The following PHC2 variants were observed in gnomAD, a reference collection of about 807,000 sequenced individuals.
The protein encoded by PHC2 is polyhomeotic-like protein 2.
Under a neutral mutation model 87.4 loss-of-function variants are expected in PHC2, and 29 were observed. The ratio of observed to expected loss-of-function variants is 0.33; its 90% CI spans 0.25 to 0.45. The LOEUF (loss-of-function observed/expected upper bound fraction) is 0.45, where lower values mean the gene tolerates loss of function less well. Ranked by LOEUF, PHC2 falls within the 20% of genes least tolerant of loss-of-function variation. The probability of loss-of-function intolerance (pLI) is 1.00; values close to 1 mark genes in which losing one functional copy is unlikely to be tolerated. For synonymous variants in PHC2, 438 were observed against 461.7 expected, an observed-to-expected ratio of 0.95 and a Z score of 0.66; for missense variants, 857 against 1,136.7, an observed-to-expected ratio of 0.75 and a Z score of 3.54.
intron 1 of PHC2, among the ~76,000 whole-genome samples, chr1:33,412,952 T>TG (rs1557847822): frequency 6.6e-6 from 1 of 151,982 alleles, no homozygotes; most frequent in Non-Finnish European, 1.5e-5. Context: ...ACTTGTTTTT[T>TG]TTTTGTTTGT....
chr1:33,356,764 A>C (rs1314349757), intron 7 of PHC2, among the ~76,000 whole-genome samples: 1 of 152,042 alleles, frequency 6.6e-6, no homozygotes, highest in African/African-American at 2.4e-5. Context: ...ATTCGACAAA[A>C]TCGCCATCGT....
At position 33,395,746 on chromosome 1, in the gene PHC2, C is replaced by T. The variant is rs544205427; in HGVS notation, c.-54-20153G>A. ...AAAATTTGGGGACAAATTACCCAGGCGATTCCAATGAGCAGACATTGGGGT... is the reference window on the plus strand; with the variant it reads ...AAAATTTGGGGACAAATTACCCAGGTGATTCCAATGAGCAGACATTGGGGT... On this transcript the variant is annotated intron_variant, in intron 1 of 14. Transcript: ENST00000683057. Among the ~76,000 whole-genome samples the T allele has an allele frequency of 6.4e-4, 97 of 152,208 alleles. 1 individual carries two copies. The South Asian group carries it at 0.02, about 31-fold the overall frequency.
chr1:33,428,885 G>C (rs1017574413), intron 1 of PHC2, among the ~76,000 whole-genome samples: 3 of 152,222 alleles, frequency 2.0e-5, no homozygotes, highest in South Asian at 2.1e-4. Context: ...CTGGCACCAT[G>C]CAACAGTGGG....
intron 9 of PHC2, among the ~76,000 whole-genome samples, chr1:33,344,609 T>C (rs767228762): frequency 7.9e-5 from 12 of 152,132 alleles, no homozygotes; most frequent in Non-Finnish European, 1.5e-4. Context: ...AATTTTTTTA[T>C]TTTTTATTTT....
chr1:33,375,150 T>C (rs1202011787), intron 2 of PHC2, among the ~76,000 whole-genome samples: 1 of 152,218 alleles, frequency 6.6e-6, no homozygotes, highest in Non-Finnish European at 1.5e-5. Flanking sequence ...CTGCCCTTTA[T>C]ACTTTCACAC....
chr1:33,407,306 G>C (rs907933250), intron 1 of PHC2, among the ~76,000 whole-genome samples: 1 of 152,170 alleles, frequency 6.6e-6, no homozygotes, highest in Non-Finnish European at 1.5e-5. Context: ...GTTATTCTGT[G>C]AAAGTGTTAT....
In PHC2 at chr1:33,364,418, A is replaced by C. The variant is rs937476303; in HGVS notation, c.976+2698T>G. On this transcript the variant is annotated intron_variant, in intron 7 of 14. Coordinates refer to ENST00000683057, the MANE Select transcript of PHC2 (RefSeq NM_001385109.1). This position sits in a 1 kb window ranked among gnomAD's most constrained non-coding sequence, Gnocchi z 4.1. ...CACACACACACACACACACACACAC[A>C]CACACACGCTCAAGCACGCTCTTCT... 7.7e-4 allele frequency among the ~76,000 whole-genome samples: 112 copies of C among 146,214 alleles called. No individual in the cohort carries two copies. The highest frequency in any genetic ancestry group is 7.5e-3 in the Admixed American group (110 of 14,736).
intron 1 of PHC2, among the ~76,000 whole-genome samples, chr1:33,410,616 C>T (rs768993624): frequency 1.4e-4 from 22 of 152,126 alleles, no homozygotes; most frequent in Non-Finnish European, 2.8e-4. Context: ...TTTATTTGTA[C>T]AAAGGGTTTG....
chr1:33,356,110 T>G (rs1325407572), intron 7 of PHC2, among the ~76,000 whole-genome samples: 1 of 151,852 alleles, frequency 6.6e-6, no homozygotes, highest in African/African-American at 2.4e-5. Flanking sequence ...CATGAACTCC[T>G]TGCGGTCAGA....
Position 33,326,165 on chromosome 1 carries a change from T to C in PHC2, c.2426-1146A>G, listed in dbSNP as rs77662536. ...CTTCTTACTGCTGCTCACAGTAAAA[T>C]AGGAGAGAGAGAAGGTAAAAACAAA... On this transcript the variant is annotated intron_variant, in intron 14 of 14. Coordinates refer to ENST00000683057, the MANE Select transcript of PHC2 (RefSeq NM_001385109.1). 8.6e-3 allele frequency: 1,895 copies of C among 221,600 alleles called. 41 individuals carry two copies. The highest frequency in any genetic ancestry group is 0.041 in the African/African-American group (1,782 of 43,448). 13.7% of individuals were successfully genotyped at this position (221,600 alleles called of 1,614,324 possible).
chr1:33,376,279 C>A (rs1022735001), intron 1 of PHC2, among the ~76,000 whole-genome samples: 1 of 152,292 alleles, frequency 6.6e-6, no homozygotes, highest in South Asian at 2.1e-4. Flanking sequence ...GAGTGATCCA[C>A]CTGCCTTGAC....
At chr1:33,409,302 T>C (rs1398156994) in intron 1 of PHC2, among the ~76,000 whole-genome samples, 1 of 152,216 alleles carries the variant, frequency 6.6e-6, no homozygotes, top group African/African-American at 2.4e-5. Context: ...GATTAGTAAT[T>C]GTACTTTCAT....
chr1:33,338,621 G>A (rs924252375), intron 9 of PHC2, among the ~76,000 whole-genome samples: 1 of 152,228 alleles, frequency 6.6e-6, no homozygotes, highest in East Asian at 1.9e-4. Flanking sequence ...GCGGCCTTTG[G>A]GGAAAAGCAG....
intron 1 of PHC2, among the ~76,000 whole-genome samples, chr1:33,426,433 C>T (rs973246014): frequency 6.6e-6 from 1 of 152,040 alleles, no homozygotes; most frequent in Non-Finnish European, 1.5e-5. Context: ...TGTTTCAGTA[C>T]GTTGAAAAAT....
At chr1:33,360,912 C>CA (rs1191915847) in intron 7 of PHC2, among the ~76,000 whole-genome samples, 1 of 152,056 alleles carries the variant, frequency 6.6e-6, no homozygotes, top group Non-Finnish European at 1.5e-5. Context: ...TCAGTAAGGA[C>CA]AAAAAAGGTC....
chr1:33,370,428 G>A lies in PHC2; in HGVS notation c.569C>T (p.Ala190Val). 6.2e-7 allele frequency: 1 copy of A among 1,613,314 alleles called. No homozygotes were observed. The highest frequency in any genetic ancestry group is 8.5e-7 in the Non-Finnish European group (1 of 1,179,444). Reference sequence around the variant, plus strand: ...CTGGCCATGGGTACTCACCATCTGTGCCCTCAGATACATCTGTGCTTGGCT... The same window carrying A: ...CTGGCCATGGGTACTCACCATCTGTACCCTCAGATACATCTGTGCTTGGCT... ...TASQAQMYLR[A>V]QMLIFTPTAT... Residue 190 changes from alanine (A) to valine (V), a missense_variant, in exon 5 of 15, where the codon GCA (alanine) becomes GTA (valine). Around this residue, in one of 3 missense-constraint regions of PHC2, gnomAD observed 832 missense variants for 1,081.8 expected, o/e 0.77. Transcript: ENST00000683057.
At chr1:33,415,105 G>GA (rs1315439246) in intron 1 of PHC2, among the ~76,000 whole-genome samples, 1 of 152,178 alleles carries the variant, frequency 6.6e-6, no homozygotes, top group Non-Finnish European at 1.5e-5. Context: ...CAGGGAGGGG[G>GA]AATGGATCTC....
chr1:33,348,686 A>G (rs1301730960), intron 9 of PHC2, among the ~76,000 whole-genome samples: 1 of 152,172 alleles, frequency 6.6e-6, no homozygotes, highest in Non-Finnish European at 1.5e-5. Context: ...AAGATCAAAC[A>G]CGGGAGATAT....
intron 1 of PHC2, among the ~76,000 whole-genome samples, chr1:33,385,981 G>C (rs1297907163): frequency 6.6e-6 from 1 of 151,722 alleles, no homozygotes; most frequent in African/African-American, 2.4e-5. Context: ...ATTTTTAGTA[G>C]AGATGGGGTT....
Sources: gnomAD v4.1 joint callset for allele counts (sites outside exome capture counted in the v4.1 genomes callset) on GRCh38, gnomAD v4.1.1 for gene constraint, gnomAD v4.1.1 regional missense constraint, Gnocchi (gnomAD v3.1) non-coding constraint, MANE v1.5 for transcripts, NCBI Gene and HGNC (gene_info 2026-07-23, HGNC 2026-07-21) for gene names.